The following PVT1 variants were observed in gnomAD, a reference collection of about 807,000 sequenced individuals.
PVT1 encodes the protein CXCR4/PVT1 fusion.
intron 2 of PVT1, among the ~76,000 whole-genome samples, chr8:127,886,925 G>A (rs1450104126): frequency 6.6e-6 from 1 of 152,196 alleles, no homozygotes; most frequent in Non-Finnish European, 1.5e-5. Flanking sequence ...GGTAAGGACT[G>A]ATTCTGTTTT....
chr8:128,065,266 A>G, intron 4 of PVT1, among the ~76,000 whole-genome samples: 1 of 151,532 alleles, frequency 6.6e-6, no homozygotes. Context: ...ATCTCAGCTC[A>G]CTGCAATCTG....
intron 3 of PVT1, among the ~76,000 whole-genome samples, chr8:127,925,340 ATAGTTGAAAAAATCAAAAAAATC>A (rs1260943567): frequency 7.2e-5 from 11 of 152,248 alleles, no homozygotes; most frequent in Non-Finnish European, 1.5e-5. Flanking sequence ...TCAAAAAAAT[ATAGTTGAAAAAATCAAAAAAATC>A]TAGTTGAAAA....
At chr8:127,884,482 C>A (rs1020189714) in intron 2 of PVT1, among the ~76,000 whole-genome samples, 5 of 152,212 alleles carry the variant, frequency 3.3e-5, no homozygotes, top group Admixed American at 3.3e-4. Flanking sequence ...TGCATTGATA[C>A]CACGGAGTGG....
rs1563657670 is a variant in PVT1, at chr8:127,984,922, TC to T, written n.783-4239del. On this transcript the variant is annotated intron_variant and non_coding_transcript_variant, in intron 3 of 10. Coordinates refer to ENST00000651587, the Ensembl canonical transcript of PVT1. ...CTTTCTTTCTTTCTTTCTTTCTTTC[TC>T]TTTCTCTTTCTTTCTTTCTTTCCCC... Among the ~76,000 whole-genome samples, 28 of 122,076 alleles carry T rather than the reference TC, an allele frequency of 2.3e-4. No individual in the cohort carries two copies. The East Asian group carries it at 3.1e-3, about 13-fold the overall frequency. The allele number at this position is 122,076 out of a possible 152,430, so 80.1% of individuals were successfully genotyped here.
At chr8:128,074,766 C>G (rs1814062576) in intron 5 of PVT1, among the ~76,000 whole-genome samples, 1 of 152,208 alleles carries the variant, frequency 6.6e-6, no homozygotes, top group Non-Finnish European at 1.5e-5. Context: ...TCAATTTCAG[C>G]TCTTAGGTAA....
chr8:128,029,580 T>TC (rs1172954382), intron 4 of PVT1, among the ~76,000 whole-genome samples: 1 of 152,094 alleles, frequency 6.6e-6, no homozygotes, highest in African/African-American at 2.4e-5. Flanking sequence ...GGCAGGTGGA[T>TC]CATGAGGTTA....
intron 2 of PVT1, chr8:127,854,629 G>C (rs1815142527): frequency 6.6e-6 from 1 of 152,316 alleles, no homozygotes; most frequent in African/African-American, 2.4e-5. Flanking sequence ...CAGCATCGAA[G>C]AGTTCAGTTC....
chr8:127,964,495 AT>A (rs1678009605), intron 3 of PVT1, among the ~76,000 whole-genome samples: 1 of 152,118 alleles, frequency 6.6e-6, no homozygotes, highest in South Asian at 2.1e-4. Flanking sequence ...AAAGGCCCTT[AT>A]TGTTTTTTTG....
At chr8:128,089,545 A>G (rs1307232374) in intron 5 of PVT1, among the ~76,000 whole-genome samples, 2 of 152,196 alleles carry the variant, frequency 1.3e-5, no homozygotes, top group Non-Finnish European at 2.9e-5. Context: ...GAATTTTGGG[A>G]GGACACAAAT....
At chr8:127,841,239 G>A (rs1814970036) in intron 2 of PVT1, among the ~76,000 whole-genome samples, 1 of 152,130 alleles carries the variant, frequency 6.6e-6, no homozygotes, top group South Asian at 2.1e-4. Flanking sequence ...CCTGAAGGAA[G>A]GGGAGGTAGG....
chr8:128,041,398 TTTGTGTGC>T (rs1813537443), intron 4 of PVT1, among the ~76,000 whole-genome samples: 1 of 150,674 alleles, frequency 6.6e-6, no homozygotes. Context: ...TATGTGTGTG[TTTGTGTGC>T]ATGTGTGTTT....
intron 3 of PVT1, among the ~76,000 whole-genome samples, chr8:127,954,295 C>CTT (rs11387135): frequency 0.26 from 30,555 of 115,938 alleles, 5,282 homozygotes; most frequent in Non-Finnish European, 0.34. Context: ...CAAGTACCCA[C>CTT]TTTTTTTTTT....
At chr8:127,795,768 C>A (rs868589365) in intron 1 of PVT1, 4 of 155,274 alleles carry the variant, frequency 2.6e-5, no homozygotes, top group Middle Eastern at 3.8e-3. Context: ...TGCATACTGG[C>A]AGCGACAAGT....
intron 5 of PVT1, among the ~76,000 whole-genome samples, chr8:128,071,350 G>T (rs1813986463): frequency 6.6e-6 from 1 of 152,078 alleles, no homozygotes; most frequent in African/African-American, 2.4e-5. Flanking sequence ...CAGCCACGTG[G>T]ATGCCATAGT....
intron 4 of PVT1, among the ~76,000 whole-genome samples, chr8:128,065,979 G>A (rs1810527990): frequency 6.6e-6 from 1 of 152,320 alleles, no homozygotes; most frequent in South Asian, 2.1e-4. Flanking sequence ...AACAACAGAT[G>A]ACAGATCCAT....
chr8:127,877,525 C>A (rs534424340), intron 2 of PVT1, among the ~76,000 whole-genome samples: 2 of 152,144 alleles, frequency 1.3e-5, no homozygotes, highest in Admixed American at 1.3e-4. Context: ...CATAGACAAC[C>A]CAGAAAAGCA....
intron 2 of PVT1, among the ~76,000 whole-genome samples, chr8:127,862,676 G>T (rs1485014053): frequency 2.6e-5 from 4 of 152,070 alleles, no homozygotes; most frequent in Non-Finnish European, 5.9e-5. Context: ...GGACTCCCCA[G>T]ATGCTGGAAT....
chr8:127,929,763 G>A (rs1295405611), intron 3 of PVT1, among the ~76,000 whole-genome samples: 1 of 150,842 alleles, frequency 6.6e-6, no homozygotes, highest in Non-Finnish European at 1.5e-5. Flanking sequence ...GCGAGACTCC[G>A]TCTCAAAAAA....
chr8:127,858,707 A>G (rs967342598), intron 2 of PVT1, among the ~76,000 whole-genome samples: 1 of 151,000 alleles, frequency 6.6e-6, no homozygotes, highest in Non-Finnish European at 1.5e-5. Flanking sequence ...GTAGTTTCCT[A>G]TGAAATCTAC....
Sources: gnomAD v4.1 joint callset for allele counts (sites outside exome capture counted in the v4.1 genomes callset) on GRCh38, gnomAD v4.1.1 for gene constraint, MANE v1.5 for transcripts, NCBI Gene and HGNC (gene_info 2026-07-23, HGNC 2026-07-21) for gene names.